The following PBX3 variants were observed in gnomAD, a reference collection of about 807,000 sequenced individuals.
PBX3 encodes pre-B-cell leukemia transcription factor 3.
Under a neutral mutation model 48.5 loss-of-function variants are expected in PBX3, and 14 were observed. The ratio of observed to expected loss-of-function variants is 0.29; its 90% CI spans 0.19 to 0.45. PBX3 has a LOEUF of 0.45. Ranked by LOEUF, PBX3 falls within the 20% of genes least tolerant of loss-of-function variation. The pLI is 1.00. For synonymous variants in PBX3, 210 were observed against 200.3 expected (o/e 1.05, Z -0.41); for missense variants, 386 against 546.7 (o/e 0.71, Z 2.93).
chr9:125,911,775 A>G (rs10987025), intron 2 of PBX3, among the ~76,000 whole-genome samples: 3,024 of 152,200 alleles, frequency 0.02, 172 homozygotes, highest in East Asian at 0.17. Context: ...AAAAAAATCA[A>G]ACAACTCAAG....
At chr9:125,756,938 C>T (rs1836533731) in intron 2 of PBX3, among the ~76,000 whole-genome samples, 1 of 152,064 alleles carries the variant, frequency 6.6e-6, no homozygotes, top group African/African-American at 2.4e-5. Context: ...TGATTACTTG[C>T]AAAATTTCAT....
At chr9:125,785,387 C>T (rs917459617) in intron 2 of PBX3, among the ~76,000 whole-genome samples, 1 of 152,214 alleles carries the variant, frequency 6.6e-6, no homozygotes, top group African/African-American at 2.4e-5. Flanking sequence ...GGTGGGGTAA[C>T]CTGGCTTGCT....
At chr9:125,863,134 G>C (rs1588233386) in intron 2 of PBX3, among the ~76,000 whole-genome samples, 2 of 151,972 alleles carry the variant, frequency 1.3e-5, no homozygotes, top group African/African-American at 4.8e-5. Flanking sequence ...CTGGGTTCCA[G>C]TGATCTGCTT....
intron 2 of PBX3, among the ~76,000 whole-genome samples, chr9:125,857,630 A>G (rs1350840076): frequency 6.6e-6 from 1 of 152,228 alleles, no homozygotes; most frequent in African/African-American, 2.4e-5. Flanking sequence ...TTATTCCATT[A>G]AAAGCCACTC....
chr9:125,838,046 T>A (rs1042603399), intron 2 of PBX3, among the ~76,000 whole-genome samples: 2 of 152,118 alleles, frequency 1.3e-5, no homozygotes, highest in Non-Finnish European at 2.9e-5. Context: ...AAAAAAAAGG[T>A]TGTACCATCT....
At position 125,962,138 on chromosome 9, in the gene PBX3, A is replaced by T. The variant is rs1260669584; in HGVS notation, c.1046A>T (p.Asp349Val). 3 of 1,610,972 alleles carry T rather than the reference A, an allele frequency of 1.9e-6. No homozygotes were observed. The highest frequency in any genetic ancestry group is 2.2e-5 in the East Asian group (1 of 44,844). The stretch of plus-strand genomic sequence containing the variant: ...TCTTTTAACCTCCCAAATTCTGGGG[A>T]CATGTTCATGAACATGCAGAGTCTG... ...SGSFNLPNSG[D>V]MFMNMQSLNG... The change falls in exon 7 of 9, where the codon GAC (aspartate) becomes GTC (valine). Residue 349 changes from aspartate (D) to valine (V), a missense_variant. By Grantham distance (152) the Asp-to-Val change is radical. This residue lies in a region of PBX3 where 127 missense variants were observed against 143.3 expected (regional missense o/e 0.89). Coordinates refer to ENST00000373489, the MANE Select transcript of PBX3 (RefSeq NM_006195.6).
intron 2 of PBX3, among the ~76,000 whole-genome samples, chr9:125,791,410 T>C (rs10986919): frequency 0.059 from 8,927 of 152,122 alleles, 606 homozygotes; most frequent in East Asian, 0.17. Flanking sequence ...ACTTGAATCT[T>C]GTGTCAAATT....
intron 2 of PBX3, among the ~76,000 whole-genome samples, chr9:125,786,727 A>AT (rs34887904): frequency 0.024 from 3,411 of 143,792 alleles, 92 homozygotes; most frequent in African/African-American, 0.062. Flanking sequence ...GTATGTAGAG[A>AT]TTTTTTTTTT....
chr9:125,747,445 C>G lies in PBX3; in HGVS notation c.-9C>G. 1.4e-6 allele frequency: 2 copies of G among 1,476,276 alleles called. No homozygotes were observed. Among genetic ancestry groups the G allele is most frequent in the East Asian group, 2.9e-5 (1 of 34,934 alleles). The allele number at this position is 1,476,276 out of a possible 1,614,324, so 91.4% of individuals were successfully genotyped here. On this transcript the variant is annotated 5_prime_UTR_variant, in exon 1 of 9. Transcript: ENST00000373489. Reference sequence around the variant, plus strand: ...CAGCCGCCGCCCGCTCCCGCCCGCGCGCGGCGGGATGGACGATCAATCCAG... The same window carrying G: ...CAGCCGCCGCCCGCTCCCGCCCGCGGGCGGCGGGATGGACGATCAATCCAG...
At chr9:125,844,678 G>C (rs1218697451) in intron 2 of PBX3, 1 of 152,056 alleles carries the variant, frequency 6.6e-6, no homozygotes, top group Non-Finnish European at 1.5e-5. Context: ...ACCTCAGCTA[G>C]TTCATTACCT....
chr9:125,809,406 A>AT (rs1180760078), intron 2 of PBX3, among the ~76,000 whole-genome samples: 16 of 149,500 alleles, frequency 1.1e-4, no homozygotes, highest in Admixed American at 1.1e-3. Context: ...TTATTGTAAC[A>AT]TTATTTTCCA....
At chr9:125,901,952 T>C (rs894997997) in intron 2 of PBX3, among the ~76,000 whole-genome samples, 17 of 151,750 alleles carry the variant, frequency 1.1e-4, no homozygotes, top group Non-Finnish European at 2.2e-4. Flanking sequence ...ATGTTGTCTT[T>C]TCTTTGCCTT....
At chr9:125,862,729 T>C (rs948152568) in intron 2 of PBX3, among the ~76,000 whole-genome samples, 5 of 152,080 alleles carry the variant, frequency 3.3e-5, no homozygotes, top group Non-Finnish European at 7.4e-5. Context: ...CCAACATTCT[T>C]GATTACACAA....
intron 2 of PBX3, among the ~76,000 whole-genome samples, chr9:125,800,531 C>G (rs1451542721): frequency 6.6e-6 from 1 of 152,064 alleles, no homozygotes; most frequent in Non-Finnish European, 1.5e-5. Context: ...ATGGAAAACT[C>G]TGCTATTCCT....
intron 2 of PBX3, among the ~76,000 whole-genome samples, chr9:125,895,038 TCTC>T (rs1840737901): frequency 6.6e-6 from 1 of 152,076 alleles, no homozygotes; most frequent in African/African-American, 2.4e-5. Flanking sequence ...TAGGTGTCAG[TCTC>T]CTCAAAAAAG....
chr9:125,948,611 T>G (rs954317031), intron 5 of PBX3, among the ~76,000 whole-genome samples: 1 of 151,936 alleles, frequency 6.6e-6, no homozygotes, highest in African/African-American at 2.4e-5. Context: ...AGAAAGAAAT[T>G]TATAGCTTTA....
chr9:125,916,372 G>A (rs1841334324), intron 3 of PBX3, among the ~76,000 whole-genome samples: 1 of 152,122 alleles, frequency 6.6e-6, no homozygotes, highest in Non-Finnish European at 1.5e-5. Context: ...AATTCTTATG[G>A]ATTGTGCCAG....
intron 2 of PBX3, among the ~76,000 whole-genome samples, chr9:125,756,750 G>A (rs1391650876): frequency 6.6e-6 from 1 of 152,188 alleles, no homozygotes; most frequent in East Asian, 1.9e-4. Flanking sequence ...AATGTGCACA[G>A]AAAGGAGGAT....
At chr9:125,834,629 C>T (rs919205725) in intron 2 of PBX3, among the ~76,000 whole-genome samples, 1 of 151,504 alleles carries the variant, frequency 6.6e-6, no homozygotes, top group Non-Finnish European at 1.5e-5. Flanking sequence ...AACTCCTGAC[C>T]TCAGGTGATC....
Sources: gnomAD v4.1 joint callset for allele counts (sites outside exome capture counted in the v4.1 genomes callset) on GRCh38, gnomAD v4.1.1 for gene constraint, gnomAD v4.1.1 regional missense constraint, MANE v1.5 for transcripts, NCBI Gene and HGNC (gene_info 2026-07-23, HGNC 2026-07-21) for gene names.